OSBPL1A: variants seen among roughly 807,000 people sequenced by gnomAD.
OSBPL1A encodes oxysterol binding protein like 1A, also known as oxysterol-binding protein-related protein 1.
In OSBPL1A, 80 loss-of-function variants were observed where a neutral mutation model predicts 137.1. The ratio of observed to expected loss-of-function variants is 0.58; its 90% CI spans 0.49 to 0.70. The LOEUF is 0.70. Ranked by LOEUF, OSBPL1A falls within the 30% of genes least tolerant of loss-of-function variation. The pLI, the probability that OSBPL1A is intolerant of heterozygous loss-of-function variation, is 0.00. For missense variants in OSBPL1A, 970 were observed against 1,129.4 expected (o/e 0.86, Z 2.02); for synonymous variants, 365 against 389.7 (o/e 0.94, Z 0.75).
At chr18:24,216,887 A>T (rs182253365) in intron 17 of OSBPL1A, among the ~76,000 whole-genome samples, 37 of 152,286 alleles carry the variant, frequency 2.4e-4, no homozygotes, top group Admixed American at 1.8e-3. Context: ...TTTCCCACTA[A>T]AATGAAATAT....
intron 14 of OSBPL1A, among the ~76,000 whole-genome samples, chr18:24,297,696 T>G (rs568705050): frequency 7.9e-5 from 12 of 152,334 alleles, no homozygotes; most frequent in African/African-American, 2.9e-4. Flanking sequence ...AATTGTATAG[T>G]TCTGAGCATT....
chr18:24,376,119 C>A (rs1906110515), intron 2 of OSBPL1A, among the ~76,000 whole-genome samples: 1 of 152,160 alleles, frequency 6.6e-6, no homozygotes. Flanking sequence ...AAGGGGACTC[C>A]AGCGAGTTGC....
chr18:24,303,481 C>T (rs1798760642), intron 14 of OSBPL1A, among the ~76,000 whole-genome samples, 156 bp downstream of exon 14: 1 of 152,160 alleles, frequency 6.6e-6, no homozygotes, highest in African/African-American at 2.4e-5. Context: ...TGAGTAGAAA[C>T]TTTAAATTGC....
At chr18:24,337,359 T>G (rs938203633) in intron 5 of OSBPL1A, among the ~76,000 whole-genome samples, 2 of 108,984 alleles carry the variant, frequency 1.8e-5, no homozygotes, top group Non-Finnish European at 4.0e-5. Flanking sequence ...AAGTAATACA[T>G]AATATAAACA....
chr18:24,289,564 C>T (rs2146084925), intron 14 of OSBPL1A, among the ~76,000 whole-genome samples: 1 of 151,894 alleles, frequency 6.6e-6, no homozygotes, highest in Non-Finnish European at 1.5e-5. Context: ...GGATTACAGG[C>T]ACACGCCACA....
chr18:24,283,281 A>AAAAAATATATAT (rs1246058393), intron 14 of OSBPL1A, among the ~76,000 whole-genome samples: 1 of 78,376 alleles, frequency 1.3e-5, no homozygotes, highest in Non-Finnish European at 2.3e-5. Flanking sequence ...AAAAAAAAAA[A>AAAAAATATATAT]ATATATATAT....
rs1302084331 is a variant in OSBPL1A at position 24,165,002 on chromosome 18, G to C, written c.2750+63C>G. On this transcript the variant is annotated intron_variant, in intron 27 of 27. Transcript: ENST00000319481. ...TGGGGTCACAGTGTCTGGCATCCCT[G>C]CCTCGTCTGCACACAGCAGCCTGCC... is the stretch of plus-strand genomic sequence containing the variant. The C allele has an allele frequency of 9.2e-6, 14 of 1,529,758 alleles. No homozygotes were observed. The Admixed American group carries it at 2.4e-4, about 27-fold the overall frequency. The allele number at this position is 1,529,758 out of a possible 1,614,324, so 94.8% of individuals were successfully genotyped here. A position where few individuals can be genotyped will look rare whatever the true frequency, so the allele number is the denominator to read the frequency against.
intron 16 of OSBPL1A, among the ~76,000 whole-genome samples, chr18:24,232,558 T>G (rs1410515258): frequency 6.6e-6 from 1 of 152,236 alleles, no homozygotes; most frequent in Non-Finnish European, 1.5e-5. Flanking sequence ...TGTGGGCTAC[T>G]GGAAATCTTA....
chr18:24,383,266 C>G (rs1214448809), intron 1 of OSBPL1A, among the ~76,000 whole-genome samples: 5 of 152,144 alleles, frequency 3.3e-5, no homozygotes, highest in Admixed American at 6.5e-5. Flanking sequence ...ATGGTCTAGA[C>G]TTGCTGGCAT....
intron 15 of OSBPL1A, among the ~76,000 whole-genome samples, chr18:24,262,908 T>C (rs2089476460): frequency 6.6e-6 from 1 of 152,178 alleles, no homozygotes; most frequent in Admixed American, 6.5e-5. Context: ...TCTAGCTTTT[T>C]TTACTAGTAT....
chr18:24,270,050 T>C (rs900208829), intron 15 of OSBPL1A, among the ~76,000 whole-genome samples: 7 of 152,218 alleles, frequency 4.6e-5, no homozygotes, highest in Non-Finnish European at 2.9e-5. Flanking sequence ...TAAAATAAAC[T>C]GAAAATTTTA....
At chr18:24,377,664 A>T in intron 1 of OSBPL1A, 129 bp from the exon 2 acceptor site, 1 of 950,878 alleles carries the variant, frequency 1.1e-6, no homozygotes, top group Non-Finnish European at 1.5e-6. Context: ...ACAACTGAAT[A>T]AATCCGTTGC....
In OSBPL1A at chr18:24,271,505, T is replaced by G; in HGVS notation, c.1281+9337A>C. 1 of 959,834 alleles carries G rather than the reference T, an allele frequency of 1.0e-6. No homozygotes were observed. The allele number at this position is 959,834 out of a possible 1,614,324, so 59.5% of individuals were successfully genotyped here. A position where few individuals can be genotyped will look rare whatever the true frequency, so the allele number is the denominator to read the frequency against. On this transcript the variant is annotated intron_variant, in intron 15 of 27. Coordinates refer to ENST00000319481, the MANE Select transcript of OSBPL1A (RefSeq NM_080597.4). The surrounding 1 kb of genome is among the most constrained non-coding windows in gnomAD (Gnocchi z 4.0). The stretch of plus-strand genomic sequence containing the variant: ...CTGCACACACACGTCCAACTATTCT[T>G]GGATCTACTCACATCCCTGGATCAA...
In OSBPL1A at chr18:24,179,847, AG is replaced by A. The variant is rs1287522001; in HGVS notation, c.1813-13del. 1 of 1,611,036 alleles carries A rather than the reference AG, an allele frequency of 6.2e-7. No individual in the cohort carries two copies. The highest frequency in any genetic ancestry group is 1.3e-5 in the African/African-American group (1 of 74,852). On this transcript the variant is annotated splice_polypyrimidine_tract_variant and intron_variant, in intron 19 of 27. Transcript: ENST00000319481. ...AACGCAGCTACACACTGTGGGACAG[AG>A]CATGAGAACAAGTCAAAAATAGCCG...
At chr18:24,284,952 C>T (rs1055682907) in intron 14 of OSBPL1A, among the ~76,000 whole-genome samples, 1 of 152,112 alleles carries the variant, frequency 6.6e-6, no homozygotes, top group Non-Finnish European at 1.5e-5. Context: ...CCTGTAATGC[C>T]AACACTTTGG....
intron 21 of OSBPL1A, among the ~76,000 whole-genome samples, chr18:24,175,621 G>A (rs1015933863): frequency 4.6e-5 from 7 of 152,100 alleles, no homozygotes; most frequent in South Asian, 2.1e-4. Context: ...AGTATCTTTC[G>A]ATATAAGGTT....
intron 15 of OSBPL1A, among the ~76,000 whole-genome samples, chr18:24,241,172 C>T (rs2088677863): frequency 1.3e-5 from 2 of 152,054 alleles, no homozygotes; most frequent in Admixed American, 6.5e-5. Context: ...CCATAAAAAC[C>T]CTAGAAGAAA....
At chr18:24,315,937 T>C (rs1426607969) in intron 11 of OSBPL1A, among the ~76,000 whole-genome samples, 2 of 139,212 alleles carry the variant, frequency 1.4e-5, no homozygotes, top group African/African-American at 5.3e-5. Flanking sequence ...AATAATAATA[T>C]TAATAATATT....
At position 24,341,538 on chromosome 18, in the gene OSBPL1A, G is replaced by A; in HGVS notation, c.394+9C>T. On this transcript the variant is annotated intron_variant, in intron 5 of 27. Transcript: ENST00000319481. Reference sequence around the variant, plus strand: ...AAATGCTGTTTATGTTCACATCCATGATATTTACCTTCAAGCATGCTTCTG... The same window carrying A: ...AAATGCTGTTTATGTTCACATCCATAATATTTACCTTCAAGCATGCTTCTG... 1 of 1,593,682 alleles carries A rather than the reference G, an allele frequency of 6.3e-7. No individual in the cohort carries two copies. Among genetic ancestry groups the A allele is most frequent in the Non-Finnish European group, 8.6e-7 (1 of 1,163,298 alleles).
Sources: gnomAD v4.1 joint callset for allele counts (sites outside exome capture counted in the v4.1 genomes callset) on GRCh38, gnomAD v4.1.1 for gene constraint, Gnocchi (gnomAD v3.1) non-coding constraint, MANE v1.5 for transcripts, NCBI Gene and HGNC (gene_info 2026-07-23, HGNC 2026-07-21) for gene names.